The following FAM131B variants were observed in gnomAD, a reference collection of about 807,000 sequenced individuals.
FAM131B encodes the protein protein FAM131B.
A neutral mutation model predicts 42.0 loss-of-function variants in FAM131B; 19 were observed. The ratio of observed to expected loss-of-function variants is 0.45; its 90% CI spans 0.32 to 0.66. The LOEUF (loss-of-function observed/expected upper bound fraction) is 0.66, where lower values mean the gene tolerates loss of function less well. Among genes scored for constraint, FAM131B ranks in the 30% least tolerant of loss-of-function variants. The pLI is 0.05. For missense variants in FAM131B, 370 were observed against 468.4 expected (o/e 0.79, Z 1.94); for synonymous variants, 183 against 177.6 (o/e 1.03, Z -0.24).
chr7:143,365,140 GA>G (rs1211209291), upstream of FAM131B, among the ~76,000 whole-genome samples: 1 of 152,204 alleles, frequency 6.6e-6, no homozygotes, highest in Non-Finnish European at 1.5e-5. Context: ...AAGTACAAGA[GA>G]GGGGAAGATT....
the FAM131B span, chr7:143,381,374 G>A: frequency 1.7e-6 from 2 of 1,170,642 alleles, no homozygotes; most frequent in Admixed American, 4.7e-5. Context: ...CGCCGAGGCG[G>A]CCACCCGAGA....
chr7:143,377,773 G>A, the FAM131B span, among the ~76,000 whole-genome samples: 3 of 152,114 alleles, frequency 2.0e-5, no homozygotes, highest in Non-Finnish European at 4.4e-5. Context: ...GTATGCAGTG[G>A]TGCGATTTTG....
At chr7:143,377,956 T>A in the FAM131B span, among the ~76,000 whole-genome samples, 2 of 152,198 alleles carry the variant, frequency 1.3e-5, no homozygotes, top group Non-Finnish European at 2.9e-5. Flanking sequence ...CCTCAGGTGA[T>A]CCACCCACCT....
At chr7:143,378,249 T>C in the FAM131B span, among the ~76,000 whole-genome samples, 1 of 152,250 alleles carries the variant, frequency 6.6e-6, no homozygotes, top group Non-Finnish European at 1.5e-5. Flanking sequence ...ATCATTCTTT[T>C]GTTGTGACAC....
the FAM131B span, among the ~76,000 whole-genome samples, chr7:143,372,983 A>G: frequency 1.3e-5 from 2 of 151,670 alleles, no homozygotes; most frequent in Non-Finnish European, 2.9e-5. Context: ...AAATAATAAT[A>G]ATAAATAAAT....
the FAM131B span, among the ~76,000 whole-genome samples, chr7:143,378,247 T>C: frequency 3.3e-5 from 5 of 152,222 alleles, no homozygotes; most frequent in African/African-American, 7.2e-5. Flanking sequence ...AAATCATTCT[T>C]TTGTTGTGAC....
the FAM131B span, among the ~76,000 whole-genome samples, chr7:143,368,102 G>T: frequency 6.6e-6 from 1 of 152,236 alleles, no homozygotes. Context: ...CTGCTTCCTG[G>T]TCAGGTCCCA....
At chr7:143,379,351 G>C in the FAM131B span, among the ~76,000 whole-genome samples, 1 of 152,216 alleles carries the variant, frequency 6.6e-6, no homozygotes, top group African/African-American at 2.4e-5. Context: ...CCCAGGGCTG[G>C]CTTGAGCGTG....
In FAM131B at chr7:143,357,021, A is replaced by G. The variant is rs751745968; in HGVS notation, c.612T>C (p.Asp204=). 3 of 1,607,788 alleles carry G rather than the reference A, an allele frequency of 1.9e-6. No individual in the cohort carries two copies. The highest frequency in any genetic ancestry group is 1.1e-5 in the South Asian group (1 of 90,986). The change falls in exon 7 of 7, where the codon GAT becomes GAC. Residue 204 remains aspartate (D), a splice_region_variant and synonymous_variant. Transcript: ENST00000443739. ...DNYQELMDSQ[D]ALAQAPMDGW... ...CATCCATGGGTGCTTGAGCCAGGGCATCTGGAAAAAGAATCATGGAGGTCA... is the reference window on the plus strand; with the variant it reads ...CATCCATGGGTGCTTGAGCCAGGGCGTCTGGAAAAAGAATCATGGAGGTCA...
At chr7:143,366,311 T>C (rs114325570), upstream of FAM131B, among the ~76,000 whole-genome samples, 3 of 152,190 alleles carry the variant, frequency 2.0e-5, no homozygotes, top group Non-Finnish European at 4.4e-5. Flanking sequence ...GCAATAAGTC[T>C]TTGGTGCTTT....
the FAM131B span, chr7:143,381,995 G>C: frequency 1.6e-6 from 1 of 617,832 alleles, no homozygotes; most frequent in Non-Finnish European, 2.8e-6. Flanking sequence ...TGGGAGTCGG[G>C]AATGTGGGGC....
upstream of FAM131B, among the ~76,000 whole-genome samples, chr7:143,367,478 G>A (rs1055827521): frequency 1.5e-4 from 23 of 152,280 alleles, no homozygotes; most frequent in South Asian, 8.3e-4. Flanking sequence ...AGACCAAGGC[G>A]GGCAGATCAT....
chr7:143,375,166 A>G, the FAM131B span, among the ~76,000 whole-genome samples: 18 of 152,210 alleles, frequency 1.2e-4, no homozygotes, highest in Non-Finnish European at 1.5e-4. Flanking sequence ...AGCTTTACCA[A>G]ATACAGGGCC....
the FAM131B span, chr7:143,381,710 C>A: frequency 1.2e-6 from 2 of 1,602,502 alleles, no homozygotes; most frequent in Admixed American, 1.7e-5. Context: ...CAGCGAGCCT[C>A]CCCCGGCACC....
At chr7:143,381,101 G>A in the FAM131B span, 3 of 683,362 alleles carry the variant, frequency 4.4e-6, no homozygotes, top group South Asian at 6.5e-5. Flanking sequence ...TGGGGCGGCG[G>A]GGGCGGCAGT....
At chr7:143,381,346 C>A in the FAM131B span, 3 of 1,148,852 alleles carry the variant, frequency 2.6e-6, no homozygotes, top group Non-Finnish European at 3.2e-6. Context: ...GACCGGGACG[C>A]AGAGTCTGCG....
At chr7:143,376,002 T>C in the FAM131B span, among the ~76,000 whole-genome samples, 598 of 152,314 alleles carry the variant, frequency 3.9e-3, 4 homozygotes, top group African/African-American at 0.014. Flanking sequence ...CCACCACACA[T>C]TTCTGGCTGC....
At chr7:143,371,052 CCTT>C in the FAM131B span, among the ~76,000 whole-genome samples, 1 of 152,160 alleles carries the variant, frequency 6.6e-6, no homozygotes, top group Non-Finnish European at 1.5e-5. Flanking sequence ...TCCGGCTGCT[CCTT>C]CTTTGTCTTT....
chr7:143,364,405 G>A (rs752000161), upstream of FAM131B, among the ~76,000 whole-genome samples: 2 of 151,976 alleles, frequency 1.3e-5, no homozygotes, highest in Non-Finnish European at 2.9e-5. Flanking sequence ...AACAGACCAC[G>A]TGGCCATTAT....
Sources: allele counts gnomAD v4.1 joint callset (sites outside exome capture counted in the v4.1 genomes callset), GRCh38; gene constraint gnomAD v4.1.1; transcripts MANE v1.5; gene names NCBI Gene and HGNC (gene_info 2026-07-23, HGNC 2026-07-21).